PACRG: variants seen among roughly 807,000 people sequenced by gnomAD.
PACRG encodes parkin coregulated gene protein.
Under a neutral mutation model 29.7 loss-of-function variants are expected in PACRG, and 29 were observed. The observed-to-expected ratio is 0.98, with a 90% confidence interval of 0.73 to 1.33. The LOEUF is 1.33. PACRG is among the 40% of genes most tolerant of loss of function. The pLI, the probability that PACRG is intolerant of heterozygous loss-of-function variation, is 0.00. For missense variants in PACRG, 279 were observed against 316.2 expected, an observed-to-expected ratio of 0.88 and a Z score of 0.89; for synonymous variants, 116 against 118.7, an observed-to-expected ratio of 0.98 and a Z score of 0.15.
intron 1 of PACRG, among the ~76,000 whole-genome samples, chr6:162,790,939 C>A (rs535213651): frequency 6.6e-6 from 1 of 152,278 alleles, no homozygotes; most frequent in South Asian, 2.1e-4. Context: ...AACTTCAACC[C>A]TGTATTATTG....
intron 4 of PACRG, chr6:163,310,015 G>A (rs980895705): frequency 6.6e-6 from 1 of 152,164 alleles, no homozygotes; most frequent in Non-Finnish European, 1.5e-5. Flanking sequence ...ACATTTATTT[G>A]TTTAATTTTT....
At chr6:162,802,615 C>T (rs934292812) in intron 1 of PACRG, among the ~76,000 whole-genome samples, 1 of 152,130 alleles carries the variant, frequency 6.6e-6, no homozygotes, top group Non-Finnish European at 1.5e-5. Flanking sequence ...ATCTTGACAT[C>T]CCACAGGGTA....
At chr6:162,861,688 C>T (rs1452275061) in intron 2 of PACRG, among the ~76,000 whole-genome samples, 1 of 152,176 alleles carries the variant, frequency 6.6e-6, no homozygotes, top group Non-Finnish European at 1.5e-5. Flanking sequence ...CTATTTCCAT[C>T]GCATCGTGGA....
intron 2 of PACRG, among the ~76,000 whole-genome samples, chr6:162,994,286 C>T (rs1403476956): frequency 1.3e-5 from 2 of 149,988 alleles, no homozygotes; most frequent in Non-Finnish European, 1.5e-5. Context: ...TGAACGTTGG[C>T]CTGCCTTGCT....
At chr6:163,068,330 C>T (rs1324166754) in intron 3 of PACRG, among the ~76,000 whole-genome samples, 1 of 152,124 alleles carries the variant, frequency 6.6e-6, no homozygotes, top group Non-Finnish European at 1.5e-5. Flanking sequence ...GAGGTCATGT[C>T]TCTATCGCCT....
intron 2 of PACRG, among the ~76,000 whole-genome samples, chr6:162,866,403 T>C (rs1266260199): frequency 2.0e-5 from 3 of 152,166 alleles, no homozygotes; most frequent in African/African-American, 7.2e-5. Context: ...CATCTCCTTC[T>C]TCTCCAATTA....
At chr6:163,180,738 C>T (rs2128353445) in intron 4 of PACRG, among the ~76,000 whole-genome samples, 1 of 152,108 alleles carries the variant, frequency 6.6e-6, no homozygotes, top group African/African-American at 2.4e-5. Context: ...GTTCTTCAAA[C>T]ATGTAGAGGC....
At chr6:163,128,711 CA>C (rs1385243282) in intron 4 of PACRG, among the ~76,000 whole-genome samples, 4 of 152,074 alleles carry the variant, frequency 2.6e-5, no homozygotes, top group African/African-American at 9.7e-5. Context: ...GTCATTTAGC[CA>C]AAACTGTGTA....
At chr6:162,874,871 T>C (rs1349656699) in intron 2 of PACRG, among the ~76,000 whole-genome samples, 1 of 151,570 alleles carries the variant, frequency 6.6e-6, no homozygotes, top group Admixed American at 6.6e-5. Flanking sequence ...ATTCTCACAC[T>C]CACACACCCA....
intron 2 of PACRG, among the ~76,000 whole-genome samples, chr6:162,852,020 G>GAAGGAAGGA (rs1562664107): frequency 7.3e-6 from 1 of 136,318 alleles, no homozygotes; most frequent in Non-Finnish European, 1.5e-5. Flanking sequence ...AGGAAGGAAG[G>GAAGGAAGGA]AAGGAAGGAA....
intron 2 of PACRG, among the ~76,000 whole-genome samples, chr6:163,049,639 A>T (rs543515883): frequency 1.1e-4 from 17 of 152,232 alleles, no homozygotes; most frequent in African/African-American, 4.1e-4. Flanking sequence ...GCAAAAGATA[A>T]GAAAATACAA....
At chr6:163,309,547 C>G (rs918121776) in intron 4 of PACRG, among the ~76,000 whole-genome samples, 4 of 152,172 alleles carry the variant, frequency 2.6e-5, no homozygotes, top group Admixed American at 6.5e-5. Context: ...TTCAAGCTTC[C>G]GAAAGCAGGT....
chr6:162,773,493 CATT>C (rs1783384900), intron 1 of PACRG, among the ~76,000 whole-genome samples: 4 of 82,726 alleles, frequency 4.8e-5, no homozygotes, highest in African/African-American at 1.9e-4. Flanking sequence ...TACAGCTTGT[CATT>C]TTTTTTTTTT....
chr6:163,054,859 G>A (rs1810407536), intron 2 of PACRG, among the ~76,000 whole-genome samples: 1 of 152,110 alleles, frequency 6.6e-6, no homozygotes, highest in African/African-American at 2.4e-5. Flanking sequence ...CAGGAAAGAT[G>A]GAGAGGGTGG....
chr6:162,856,151 G>A (rs988492136), intron 2 of PACRG, among the ~76,000 whole-genome samples: 16 of 151,978 alleles, frequency 1.1e-4, no homozygotes, highest in Non-Finnish European at 1.6e-4. Context: ...CGAACTTCTA[G>A]GATCAAAAGA....
At chr6:162,948,215 G>A (rs1381601770) in intron 2 of PACRG, among the ~76,000 whole-genome samples, 1 of 152,094 alleles carries the variant, frequency 6.6e-6, no homozygotes, top group East Asian at 1.9e-4. Flanking sequence ...CAGTGGAACA[G>A]AATAGAGAAT....
intron 2 of PACRG, among the ~76,000 whole-genome samples, chr6:162,958,949 A>T (rs4709661): frequency 7.6e-6 from 1 of 131,772 alleles, no homozygotes; most frequent in African/African-American, 3.0e-5. Flanking sequence ...ATGAAATCTC[A>T]CTCCATCACC....
chr6:162,835,397 A>G (rs1385134340), intron 2 of PACRG, among the ~76,000 whole-genome samples: 1 of 152,070 alleles, frequency 6.6e-6, no homozygotes, highest in Admixed American at 6.6e-5. Flanking sequence ...TTTTATTGCT[A>G]TTTGTAATTA....
intron 2 of PACRG, among the ~76,000 whole-genome samples, chr6:162,838,061 G>T (rs541336502): frequency 6.6e-6 from 1 of 152,260 alleles, no homozygotes; most frequent in South Asian, 2.1e-4. Context: ...GAAGGAACCA[G>T]TGTTAATGTT....
Sources: allele counts gnomAD v4.1 joint callset (sites outside exome capture counted in the v4.1 genomes callset), GRCh38; gene constraint gnomAD v4.1.1; transcripts MANE v1.5; gene names NCBI Gene and HGNC (gene_info 2026-07-23, HGNC 2026-07-21).